Variants in TIMP2 observed in about 807,000 individuals in gnomAD.
TIMP2 encodes the protein TIMP metallopeptidase inhibitor 2.
Under a neutral mutation model 24.3 loss-of-function variants are expected in TIMP2, and 5 were observed. The observed-to-expected ratio is 0.21, with a 90% CI of 0.11 to 0.43. The LOEUF (loss-of-function observed/expected upper bound fraction) is 0.43. Among genes scored for constraint, TIMP2 ranks in the 20% least tolerant of loss-of-function variants. TIMP2 has a pLI of 1.00. For synonymous variants in TIMP2, 130 were observed against 123.2 expected (o/e 1.06, Z -0.37); for missense variants, 221 against 297.5 (o/e 0.74, Z 1.89).
intron 3 of TIMP2, among the ~76,000 whole-genome samples, chr17:78,867,045 G>C (rs372987434): frequency 6.6e-6 from 1 of 152,216 alleles, no homozygotes; most frequent in East Asian, 1.9e-4. Flanking sequence ...CAGATCACCT[G>C]AAGTCAGGAG....
intron 1 of TIMP2, among the ~76,000 whole-genome samples, chr17:78,911,149 AC>A (rs1747704610): frequency 6.6e-6 from 1 of 151,608 alleles, no homozygotes; most frequent in African/African-American, 2.4e-5. Context: ...CGTCCCTTGA[AC>A]TCTTGATCTG....
chr17:78,913,748 C>A (rs1244370505), intron 1 of TIMP2, among the ~76,000 whole-genome samples: 1 of 151,452 alleles, frequency 6.6e-6, no homozygotes. Context: ...AAACATAGGC[C>A]GGGCACAGTG....
intron 1 of TIMP2, among the ~76,000 whole-genome samples, chr17:78,915,712 G>T (rs1381256319): frequency 6.6e-6 from 1 of 152,076 alleles, no homozygotes; most frequent in East Asian, 1.9e-4. Flanking sequence ...TAGACATGGA[G>T]TTTCACCATG....
At chr17:78,923,229 A>G (rs952502590) in intron 1 of TIMP2, among the ~76,000 whole-genome samples, 7 of 152,016 alleles carry the variant, frequency 4.6e-5, no homozygotes, top group Admixed American at 4.6e-4. Flanking sequence ...AGCATGAAGG[A>G]GGCGGGAGGC....
rs746995895 is a variant in TIMP2 at position 78,891,799 on chromosome 17, A to T, written c.131-17880T>A. On this transcript the variant is annotated intron_variant, in intron 1 of 4. Coordinates refer to ENST00000262768, the MANE Select transcript of TIMP2 (RefSeq NM_003255.5). The surrounding 1 kb of genome is among the most constrained non-coding windows in gnomAD (Gnocchi z 4.5). ...TCCGAGGATGGATGGCACAGCGGCC[A>T]CCCCCAGACTTGGTCGAAGGTTCTG... 6.4e-7 allele frequency: 1 copy of T among 1,550,870 alleles called. No individual in the cohort carries two copies. The highest frequency in any genetic ancestry group is 1.4e-5 in the African/African-American group (1 of 73,128).
chr17:78,876,023 C>T (rs1345128944), intron 1 of TIMP2, among the ~76,000 whole-genome samples: 2 of 152,230 alleles, frequency 1.3e-5, no homozygotes, highest in Non-Finnish European at 2.9e-5. Flanking sequence ...TGAAAAGCCA[C>T]ATCTAGGAAA....
intron 2 of TIMP2, among the ~76,000 whole-genome samples, chr17:78,872,106 A>C (rs2069690657): frequency 6.7e-6 from 1 of 150,064 alleles, no homozygotes. Context: ...CTCCCACCTC[A>C]GCCTCCCGAG....
rs1296615861 is a variant in TIMP2, at chr17:78,853,281, C to G, written c.*2386G>C. The G allele has an allele frequency of 6.6e-6, 1 of 152,534 alleles. No individual in the cohort carries two copies. Among genetic ancestry groups the G allele is most frequent in the Non-Finnish European group, 1.5e-5 (1 of 68,040 alleles). 9.4% of individuals were successfully genotyped at this position (152,534 alleles called of 1,614,324 possible). A position where few individuals can be genotyped will look rare whatever the true frequency, so the allele number is the denominator to read the frequency against. On this transcript the variant is annotated 3_prime_UTR_variant, in exon 5 of 5. Coordinates refer to ENST00000262768, the MANE Select transcript of TIMP2 (RefSeq NM_003255.5). Reference sequence around the variant, plus strand: ...ACTTTATTTTAAATATTTTGAGTTGCTTGCAGGATGAAAATAGGAGAAGAG... The same window carrying G: ...ACTTTATTTTAAATATTTTGAGTTGGTTGCAGGATGAAAATAGGAGAAGAG...
chr17:78,917,566 C>T (rs1480537700), intron 1 of TIMP2, among the ~76,000 whole-genome samples: 2 of 152,228 alleles, frequency 1.3e-5, no homozygotes, highest in Admixed American at 1.3e-4. Flanking sequence ...AAGACATAGA[C>T]ACCAGGCCCT....
intron 3 of TIMP2, among the ~76,000 whole-genome samples, chr17:78,864,968 T>C (rs10852715): frequency 0.92 from 140,376 of 152,162 alleles, 64,832 homozygotes; most frequent in Admixed American, 0.94. Context: ...GCAGGAAAAT[T>C]GCTTGAACCT....
chr17:78,865,352 C>T (rs911745890), intron 3 of TIMP2, among the ~76,000 whole-genome samples: 6 of 152,044 alleles, frequency 3.9e-5, no homozygotes, highest in Non-Finnish European at 8.8e-5. Context: ...CGCCCAGGTG[C>T]GGTGGCTCAC....
At chr17:78,914,377 G>A (rs2070237029) in intron 1 of TIMP2, among the ~76,000 whole-genome samples, 1 of 151,788 alleles carries the variant, frequency 6.6e-6, no homozygotes, top group African/African-American at 2.4e-5. Flanking sequence ...CCACCTCCTG[G>A]GTTCAAGTGA....
rs2070330450 is a variant in TIMP2, at chr17:78,924,096, CT to C, written c.130+862del. 2.6e-5 allele frequency among the ~76,000 whole-genome samples: 4 copies of C among 152,208 alleles called. No individual in the cohort carries two copies. In the South Asian group the frequency reaches 8.3e-4, roughly 31 times the overall value. On this transcript the variant is annotated intron_variant, in intron 1 of 4. Transcript: ENST00000262768. This position sits in a 1 kb window ranked among gnomAD's most constrained non-coding sequence, Gnocchi z 5.3. ...GTGGAAACTTCGAGCCAGCGGGTTC[CT>C]CCCATTTCTGCTGGTCCTCCCCCTC...
At position 78,855,542 on chromosome 17, in the gene TIMP2, T is replaced by C; in HGVS notation, c.*125A>G. 1 of 1,112,566 alleles carries C rather than the reference T, an allele frequency of 9.0e-7. No homozygotes were observed. Among genetic ancestry groups the C allele is most frequent in the Non-Finnish European group, 1.3e-6 (1 of 788,490 alleles). The allele number at this position is 1,112,566 out of a possible 1,614,324, so 68.9% of individuals were successfully genotyped here. The stretch of plus-strand genomic sequence containing the variant: ...AGGAGAAGGGGGGAGCAGAATCATA[T>C]TAATTTGGACCCATGGGATGAGTGT... On this transcript the variant is annotated 3_prime_UTR_variant, in exon 5 of 5. Transcript: ENST00000262768. This position sits in a 1 kb window ranked among gnomAD's most constrained non-coding sequence, Gnocchi z 6.0.
intron 3 of TIMP2, among the ~76,000 whole-genome samples, chr17:78,866,177 G>A (rs960605335): frequency 8.5e-5 from 13 of 152,148 alleles, no homozygotes; most frequent in Non-Finnish European, 1.9e-4. Flanking sequence ...ATGCTGACAC[G>A]CTGGGAAATT....
chr17:78,882,723 G>C (rs1449469421), intron 1 of TIMP2, among the ~76,000 whole-genome samples: 2 of 152,256 alleles, frequency 1.3e-5, no homozygotes, highest in Non-Finnish European at 2.9e-5. Flanking sequence ...CCCCAGACCT[G>C]CTCTAGTCCT....
At position 78,891,872 on chromosome 17, in the gene TIMP2, C is replaced by A. The variant is rs1364475484; in HGVS notation, c.131-17953G>T. 6.4e-7 allele frequency: 1 copy of A among 1,550,674 alleles called. No individual in the cohort carries two copies. The highest frequency in any genetic ancestry group is 8.7e-7 in the Non-Finnish European group (1 of 1,147,010). On this transcript the variant is annotated intron_variant, in intron 1 of 4. Transcript: ENST00000262768. This position sits in a 1 kb window ranked among gnomAD's most constrained non-coding sequence, Gnocchi z 4.5. ...CGGGGCCAGGTGAGAATTCATCCGACCCGTGGCTTTTGTAGTCTGTGGTTT... is the reference window on the plus strand; with the variant it reads ...CGGGGCCAGGTGAGAATTCATCCGAACCGTGGCTTTTGTAGTCTGTGGTTT...
At chr17:78,864,755 GA>G (rs771875738) in intron 3 of TIMP2, among the ~76,000 whole-genome samples, 9 of 152,002 alleles carry the variant, frequency 5.9e-5, no homozygotes, top group Non-Finnish European at 1.3e-4. Flanking sequence ...CACATAAAAA[GA>G]AATAAAATCT....
intron 1 of TIMP2, among the ~76,000 whole-genome samples, chr17:78,906,061 C>A (rs2070155650): frequency 6.6e-6 from 1 of 152,176 alleles, no homozygotes; most frequent in South Asian, 2.1e-4. Flanking sequence ...CTTATCAATG[C>A]ACATACCTTA....
Sources: gnomAD v4.1 joint callset for allele counts (sites outside exome capture counted in the v4.1 genomes callset) on GRCh38, gnomAD v4.1.1 for gene constraint, Gnocchi (gnomAD v3.1) non-coding constraint, MANE v1.5 for transcripts, NCBI Gene and HGNC (gene_info 2026-07-23, HGNC 2026-07-21) for gene names.